LRMDA: variants seen among roughly 807,000 people sequenced by gnomAD.
LRMDA encodes leucine rich melanocyte differentiation associated.
In LRMDA, 18 loss-of-function variants were observed where a neutral mutation model predicts 29.8. The observed-to-expected ratio is 0.60, with a 90% CI of 0.42 to 0.90. LRMDA has a LOEUF of 0.90. Among genes scored for constraint, LRMDA ranks in the 40% least tolerant of loss-of-function variants. The probability of loss-of-function intolerance (pLI) is 0.00; values close to 1 mark genes in which losing one functional copy is unlikely to be tolerated. For synonymous variants in LRMDA, 125 were observed against 109.4 expected, an observed-to-expected ratio of 1.14 and a Z score of -0.89; for missense variants, 273 against 273.9, an observed-to-expected ratio of 1.00 and a Z score of 0.02.
intron 6 of LRMDA, among the ~76,000 whole-genome samples, chr10:76,426,541 A>G (rs571664469): frequency 6.6e-6 from 1 of 152,068 alleles, no homozygotes; most frequent in Non-Finnish European, 1.5e-5. Context: ...ATTTTCTCCC[A>G]TTCTGTAGGT....
chr10:75,858,649 C>A (rs1372516705), intron 2 of LRMDA, among the ~76,000 whole-genome samples: 1 of 152,304 alleles, frequency 6.6e-6, no homozygotes, highest in Non-Finnish European at 1.5e-5. Context: ...TAATGGCTAC[C>A]TTTCCATTCA....
rs1357016278 is a variant in LRMDA at position 76,047,161 on chromosome 10, C to G, written c.259-3C>G. On this transcript the variant is annotated splice_region_variant and splice_polypyrimidine_tract_variant and intron_variant, in intron 3 of 6. Transcript: ENST00000611255. The stretch of plus-strand genomic sequence containing the variant: ...CTGGACCAAGATTCTTAACCTTTGT[C>G]ACATCACTGATTTGGAGAACCTGCT... 2 of 1,613,792 alleles carry G rather than the reference C, an allele frequency of 1.2e-6. No individual in the cohort carries two copies. Among genetic ancestry groups the G allele is most frequent in the African/African-American group, 1.3e-5 (1 of 74,914 alleles).
chr10:75,831,390 C>T (rs1308409259), intron 2 of LRMDA, among the ~76,000 whole-genome samples: 1 of 152,160 alleles, frequency 6.6e-6, no homozygotes, highest in Non-Finnish European at 1.5e-5. Context: ...TCTTTTGACT[C>T]CATGTCTCAC....
intron 2 of LRMDA, among the ~76,000 whole-genome samples, chr10:75,596,955 C>CTTTT (rs767284909): frequency 3.5e-5 from 5 of 144,094 alleles, no homozygotes; most frequent in African/African-American, 5.1e-5. Flanking sequence ...TTCTTTCTTT[C>CTTTT]TTTTTTTTTT....
At chr10:76,027,471 C>T (rs1196284558) in intron 2 of LRMDA, among the ~76,000 whole-genome samples, 1 of 152,054 alleles carries the variant, frequency 6.6e-6, no homozygotes, top group East Asian at 1.9e-4. Context: ...AACTCCTTAC[C>T]TGGGGGTTAA....
At chr10:76,476,002 G>A (rs1842666025) in intron 6 of LRMDA, among the ~76,000 whole-genome samples, 1 of 152,052 alleles carries the variant, frequency 6.6e-6, no homozygotes, top group Admixed American at 6.6e-5. Context: ...AGAGAAGCAA[G>A]AGGAAACACA....
At chr10:76,000,311 A>C (rs1847540031) in intron 2 of LRMDA, among the ~76,000 whole-genome samples, 1 of 152,156 alleles carries the variant, frequency 6.6e-6, no homozygotes, top group Admixed American at 6.5e-5. Context: ...GAACGTGTGA[A>C]ATCTTGCAAA....
chr10:76,264,741 C>A (rs138685525), intron 5 of LRMDA, among the ~76,000 whole-genome samples: 2 of 152,068 alleles, frequency 1.3e-5, no homozygotes, highest in Admixed American at 6.6e-5. Context: ...TTTTCAGGCA[C>A]CTTTGTGAAA....
intron 2 of LRMDA, among the ~76,000 whole-genome samples, chr10:75,957,326 C>A (rs573548688): frequency 2.9e-4 from 44 of 152,340 alleles, no homozygotes; most frequent in African/African-American, 1.0e-3. Context: ...TTTCATTAAT[C>A]CTTGCACCAT....
At position 76,273,895 on chromosome 10, in the gene LRMDA, C is replaced by G. The variant is rs145859545; in HGVS notation, c.517-50506C>G. ...CCATATAGGAAATATCCAAGTAATT[C>G]TATTGTTGTCATGGTTTTATTGTCT... On this transcript the variant is annotated intron_variant, in intron 5 of 6. Coordinates refer to ENST00000611255, the MANE Select transcript of LRMDA (RefSeq NM_001305581.2). Among the ~76,000 whole-genome samples the G allele has an allele frequency of 1.6e-3, 247 of 152,278 alleles. 8 individuals carry two copies. The highest frequency in any genetic ancestry group is 0.013 in the Admixed American group (199 of 15,290).
intron 6 of LRMDA, among the ~76,000 whole-genome samples, chr10:76,443,305 A>T (rs943996416): frequency 6.6e-6 from 1 of 152,192 alleles, no homozygotes; most frequent in African/African-American, 2.4e-5. Context: ...CTTACCGTTC[A>T]AGTTGGGTAA....
At chr10:76,407,769 T>G (rs1343482372) in intron 6 of LRMDA, among the ~76,000 whole-genome samples, 1 of 152,250 alleles carries the variant, frequency 6.6e-6, no homozygotes, top group Non-Finnish European at 1.5e-5. Flanking sequence ...TTGAACTCAA[T>G]AAATGACTTC....
intron 2 of LRMDA, among the ~76,000 whole-genome samples, chr10:75,794,723 C>T (rs573375323): frequency 6.6e-6 from 1 of 152,088 alleles, no homozygotes; most frequent in Non-Finnish European, 1.5e-5. Context: ...AGTTTACTGC[C>T]ATTTGTATAT....
At chr10:75,440,297 T>A (rs1844312485) in intron 2 of LRMDA, among the ~76,000 whole-genome samples, 1 of 150,276 alleles carries the variant, frequency 6.7e-6, no homozygotes, top group Non-Finnish European at 1.5e-5. Flanking sequence ...AAGATTTGTA[T>A]TTTCCTTTGT....
At chr10:75,708,696 G>A (rs1299571565) in intron 2 of LRMDA, among the ~76,000 whole-genome samples, 1 of 152,092 alleles carries the variant, frequency 6.6e-6, no homozygotes, top group African/African-American at 2.4e-5. Flanking sequence ...TTATTTAGAT[G>A]ATCAGTCACC....
intron 2 of LRMDA, among the ~76,000 whole-genome samples, chr10:75,905,157 ATT>A (rs1845738022): frequency 6.6e-6 from 1 of 151,168 alleles, no homozygotes; most frequent in Non-Finnish European, 1.5e-5. Flanking sequence ...GTGTGAAAAT[ATT>A]TGTCCCTTTG....
At chr10:75,613,452 T>C (rs1371508360) in intron 2 of LRMDA, among the ~76,000 whole-genome samples, 1 of 152,148 alleles carries the variant, frequency 6.6e-6, no homozygotes, top group African/African-American at 2.4e-5. Flanking sequence ...TATTTATGGA[T>C]CAGACAGTAT....
intron 5 of LRMDA, among the ~76,000 whole-genome samples, chr10:76,100,865 A>G (rs999492861): frequency 6.6e-6 from 1 of 152,120 alleles, no homozygotes; most frequent in Non-Finnish European, 1.5e-5. Flanking sequence ...TTTCTCTGTG[A>G]GCACATAGAG....
chr10:76,098,261 T>C (rs1281152971), intron 5 of LRMDA, among the ~76,000 whole-genome samples: 1 of 152,194 alleles, frequency 6.6e-6, no homozygotes. Context: ...TAGAATTCAC[T>C]AGCAAATATA....
Sources: allele counts gnomAD v4.1 joint callset (sites outside exome capture counted in the v4.1 genomes callset), GRCh38; gene constraint gnomAD v4.1.1; transcripts MANE v1.5; gene names NCBI Gene and HGNC (gene_info 2026-07-23, HGNC 2026-07-21).